NR2F1-AS1: variants seen among roughly 807,000 people sequenced by gnomAD.
NR2F1-AS1 encodes NR2F1 regulatory antisense RNA 1, also known as NR2F1 antisense RNA 1.
chr5:93,546,264 A>G (rs1391311158), intron 4 of NR2F1-AS1, among the ~76,000 whole-genome samples: 1 of 152,192 alleles, frequency 6.6e-6, no homozygotes, highest in Admixed American at 6.5e-5. Flanking sequence ...GAAGGAGAGG[A>G]GTTTCTACTT....
chr5:93,497,450 G>C (rs1750986814), intron 4 of NR2F1-AS1, among the ~76,000 whole-genome samples: 1 of 152,162 alleles, frequency 6.6e-6, no homozygotes, highest in Non-Finnish European at 1.5e-5. Flanking sequence ...TGTGAGAAAA[G>C]ACATGCTCCG....
At chr5:93,457,101 T>C (rs1391411579) in intron 4 of NR2F1-AS1, among the ~76,000 whole-genome samples, 5 of 152,166 alleles carry the variant, frequency 3.3e-5, no homozygotes, top group Non-Finnish European at 5.9e-5. Context: ...GCCTTCCTCT[T>C]ATCTCAACTG....
chr5:93,505,224 T>C (rs932305602), intron 4 of NR2F1-AS1, among the ~76,000 whole-genome samples: 1 of 152,190 alleles, frequency 6.6e-6, no homozygotes, highest in Non-Finnish European at 1.5e-5. Flanking sequence ...GTCATGCTGA[T>C]GCAAGAGGTC....
intron 4 of NR2F1-AS1, among the ~76,000 whole-genome samples, chr5:93,482,365 C>G (rs937693057): frequency 3.9e-5 from 6 of 152,244 alleles, no homozygotes; most frequent in African/African-American, 1.4e-4. Flanking sequence ...ACTCCCTCCC[C>G]TAGCCAAGGG....
chr5:93,471,161 T>C (rs531019233), intron 4 of NR2F1-AS1, among the ~76,000 whole-genome samples: 1 of 152,082 alleles, frequency 6.6e-6, no homozygotes, highest in Admixed American at 6.5e-5. Context: ...AAAAACTATA[T>C]ACTGATCAAC....
chr5:93,426,049 T>A (rs1749188272), intron 4 of NR2F1-AS1, among the ~76,000 whole-genome samples: 1 of 151,812 alleles, frequency 6.6e-6, no homozygotes. Context: ...CCTAATTTTT[T>A]TTTTTTTTAA....
chr5:93,458,705 A>C (rs1561448221), intron 4 of NR2F1-AS1, among the ~76,000 whole-genome samples: 1 of 152,082 alleles, frequency 6.6e-6, no homozygotes, highest in Non-Finnish European at 1.5e-5. Context: ...TTTTCAAAAA[A>C]CCGTTAAGAA....
rs1192038433 is a variant in NR2F1-AS1, at chr5:93,454,958, T to C, written n.639-59416A>G. ...ATATCCTTTGTAATATCCTCTATAA[T>C]AAATATACCCATTTACTGAAGTAGA... is the stretch of plus-strand genomic sequence containing the variant. On this transcript the variant is annotated intron_variant and non_coding_transcript_variant, in intron 4 of 5. Transcript: ENST00000660523. 3.3e-5 allele frequency among the ~76,000 whole-genome samples: 5 copies of C among 152,268 alleles called. No individual in the cohort carries two copies. The East Asian group carries it at 7.7e-4, about 23-fold the overall frequency.
At chr5:93,555,275 T>G (rs1752328788) in intron 2 of NR2F1-AS1, among the ~76,000 whole-genome samples, 1 of 152,174 alleles carries the variant, frequency 6.6e-6, no homozygotes, top group Admixed American at 6.5e-5. Flanking sequence ...TGTAACCAGT[T>G]CTATAATAAG....
chr5:93,547,061 T>C (rs1304683226), intron 4 of NR2F1-AS1, among the ~76,000 whole-genome samples: 2 of 152,216 alleles, frequency 1.3e-5, no homozygotes, highest in Non-Finnish European at 2.9e-5. Flanking sequence ...CCTGCCAGCC[T>C]GCCCTACAGA....
chr5:93,505,136 A>G (rs1164409650), intron 4 of NR2F1-AS1, among the ~76,000 whole-genome samples: 1 of 152,160 alleles, frequency 6.6e-6, no homozygotes, highest in East Asian at 1.9e-4. Flanking sequence ...CAAAGTGGTT[A>G]CAGGGCCCAT....
chr5:93,439,929 C>T (rs1749527378), intron 4 of NR2F1-AS1, among the ~76,000 whole-genome samples: 1 of 152,184 alleles, frequency 6.6e-6, no homozygotes, highest in African/African-American at 2.4e-5. Context: ...CCCAACTAGA[C>T]AGTAACCTCC....
At chr5:93,501,872 GAAAGACA>G (rs2149886142) in intron 4 of NR2F1-AS1, among the ~76,000 whole-genome samples, 1 of 152,096 alleles carries the variant, frequency 6.6e-6, no homozygotes, top group Non-Finnish European at 1.5e-5. Context: ...AATTTTTCAT[GAAAGACA>G]GAGTCAATCG....
intron 4 of NR2F1-AS1, among the ~76,000 whole-genome samples, chr5:93,487,820 A>G (rs1339313306): frequency 6.6e-6 from 1 of 152,346 alleles, no homozygotes; most frequent in Admixed American, 6.5e-5. Flanking sequence ...AGCTGGAAGC[A>G]TCATGCTCCC....
At chr5:93,550,517 G>C (rs1393296669) in intron 4 of NR2F1-AS1, among the ~76,000 whole-genome samples, 21 of 152,170 alleles carry the variant, frequency 1.4e-4, no homozygotes, top group Admixed American at 1.2e-3. Context: ...TTTTAAATAA[G>C]AAGAAGAGAA....
rs535572380 is a variant in NR2F1-AS1, at chr5:93,487,497, C to T, written n.638+66264G>A. 4.6e-5 allele frequency among the ~76,000 whole-genome samples: 7 copies of T among 152,190 alleles called. No individual in the cohort carries two copies. In the East Asian group the frequency reaches 1.2e-3, roughly 25 times the overall value. ...ATGAGTGAACTCCCATTCACAATTG[C>T]TACTAAGAGAATAAAATACCTAGGA... On this transcript the variant is annotated intron_variant and non_coding_transcript_variant, in intron 4 of 5. Coordinates refer to ENST00000660523, the Ensembl canonical transcript of NR2F1-AS1.
chr5:93,450,929 A>C (rs1298786517), intron 4 of NR2F1-AS1, among the ~76,000 whole-genome samples: 2 of 151,462 alleles, frequency 1.3e-5, no homozygotes, highest in African/African-American at 2.4e-5. Flanking sequence ...AAAAAAAAAA[A>C]AAAAAAAAAA....
intron 4 of NR2F1-AS1, among the ~76,000 whole-genome samples, chr5:93,434,248 A>C (rs548015712): frequency 5.3e-5 from 8 of 152,282 alleles, no homozygotes; most frequent in Middle Eastern, 3.4e-3. Context: ...TCCTTCTTAG[A>C]AGAAAATGGA....
At chr5:93,523,511 C>T (rs555955215) in intron 4 of NR2F1-AS1, among the ~76,000 whole-genome samples, 1 of 152,330 alleles carries the variant, frequency 6.6e-6, no homozygotes, top group Admixed American at 6.5e-5. Flanking sequence ...AAGAAACACA[C>T]TGCCTCCTCA....
Sources: gnomAD v4.1 joint callset for allele counts (sites outside exome capture counted in the v4.1 genomes callset) on GRCh38, gnomAD v4.1.1 for gene constraint, MANE v1.5 for transcripts, NCBI Gene and HGNC (gene_info 2026-07-23, HGNC 2026-07-21) for gene names.